The following KCNT1 variants were observed in gnomAD, a reference collection of about 807,000 sequenced individuals.
The protein encoded by KCNT1 is potassium sodium-activated channel subfamily T member 1.
In KCNT1, 78 loss-of-function variants were observed where a neutral mutation model predicts 147.8. The ratio of observed to expected loss-of-function variants is 0.53; its 90% confidence interval spans 0.44 to 0.64. The LOEUF (loss-of-function observed/expected upper bound fraction) is 0.64, where lower values mean the gene tolerates loss of function less well. KCNT1 is among the 30% of genes least tolerant of loss of function. The probability of loss-of-function intolerance (pLI) is 0.00; values close to 1 mark genes in which losing one functional copy is unlikely to be tolerated. For missense variants in KCNT1, 1,419 were observed against 1,750.3 expected (o/e 0.81, Z 3.38); for synonymous variants, 867 against 748.8 (o/e 1.16, Z -2.58).
Position 135,769,100 on chromosome 9 carries a change from T to C in KCNT1, c.1510+163T>C, listed in dbSNP as rs11103180. On this transcript the variant is annotated intron_variant, in intron 15 of 30. Coordinates refer to ENST00000371757, the MANE Select transcript of KCNT1 (RefSeq NM_020822.3). Reference sequence around the variant, plus strand: ...GGGTGACGGTGCGTCTGGGGCAGGATGCGTGTGCACACGTGGGTGTCGGTG... The same window carrying C: ...GGGTGACGGTGCGTCTGGGGCAGGACGCGTGTGCACACGTGGGTGTCGGTG... Among the ~76,000 whole-genome samples, 4,244 of 53,570 alleles carry C rather than the reference T, an allele frequency of 0.079. 241 individuals are homozygous for C. The highest frequency in any genetic ancestry group is 0.11 in the Middle Eastern group (7 of 66). 35.1% of individuals were successfully genotyped at this position (53,570 alleles called of 152,430 possible).
Position 135,784,010 on chromosome 9 carries a change from C to T in KCNT1, c.2842-14C>T, listed in dbSNP as rs1426800081. 1.0e-5 allele frequency: 16 copies of T among 1,605,126 alleles called. No homozygotes were observed. Among genetic ancestry groups the T allele is most frequent in the Non-Finnish European group, 1.1e-5 (13 of 1,178,790 alleles). On this transcript the variant is annotated splice_polypyrimidine_tract_variant and intron_variant, in intron 24 of 30. Coordinates refer to ENST00000371757, the MANE Select transcript of KCNT1 (RefSeq NM_020822.3). The stretch of plus-strand genomic sequence containing the variant: ...CTCGGCACCAGCCCATCTGAGGCCC[C>T]TCCTTTCCCACAGAGGGAGCGAGAG...
At chr9:135,779,641 ATGG>A (rs1833462802) in intron 24 of KCNT1, among the ~76,000 whole-genome samples, 171 bp downstream of exon 24, 1 of 152,210 alleles carries the variant, frequency 6.6e-6, no homozygotes, top group Non-Finnish European at 1.5e-5. Context: ...GGTGCTCTTG[ATGG>A]TGGAACCAGG....
intron 2 of KCNT1, among the ~76,000 whole-genome samples, chr9:135,743,467 G>A (rs974036417): frequency 3.9e-5 from 6 of 152,102 alleles, no homozygotes; most frequent in African/African-American, 1.4e-4. Context: ...GAGCATCCAG[G>A]GGCTGCCCGG....
At chr9:135,751,079 C>A in intron 4 of KCNT1, 38 bp downstream of exon 4, 1 of 1,572,984 alleles carries the variant, frequency 6.4e-7, no homozygotes, top group Non-Finnish European at 8.7e-7. Flanking sequence ...GGTCCCGGGT[C>A]CCAGGGCTGA....
At chr9:135,785,729 C>G (rs1315308662) in intron 28 of KCNT1, 7 of 464,874 alleles carry the variant, frequency 1.5e-5, no homozygotes, top group Non-Finnish European at 2.8e-5. Context: ...CCCACAGGCT[C>G]TGGCACCCCA....
intron 2 of KCNT1, among the ~76,000 whole-genome samples, chr9:135,732,040 A>AGAG (rs1836504744): frequency 7.4e-6 from 1 of 135,394 alleles, no homozygotes; most frequent in African/African-American, 2.7e-5. Flanking sequence ...AGAGAGAGAG[A>AGAG]GGGAGTCTCA....
intron 1 of KCNT1, among the ~76,000 whole-genome samples, chr9:135,707,671 C>G (rs982295795): frequency 5.3e-5 from 8 of 152,164 alleles, no homozygotes; most frequent in African/African-American, 1.9e-4. Flanking sequence ...AAGGGCTCGC[C>G]TGGCGTCTGG....
chr9:135,779,398 C>G lies in KCNT1; in HGVS notation c.2769C>G (p.His923Gln). ...PSLSITTELTHPSNMRFMQFR... is the reference protein window; with the variant it reads ...PSLSITTELTQPSNMRFMQFR... ...TCAGCATCACCACGGAGCTCACCCA[C>G]CCTTCCAACATGCGCTTCATGCAGT... is the stretch of plus-strand genomic sequence containing the variant. Residue 923 changes from histidine (H) to glutamine (Q), a missense_variant, in exon 24 of 31, where the codon CAC becomes CAG. His to Gln is a conservative substitution (Grantham distance 24). This residue lies in a region of KCNT1 where 247 missense variants were observed against 397.1 expected (regional missense o/e 0.62). Coordinates refer to ENST00000371757, the MANE Select transcript of KCNT1 (RefSeq NM_020822.3). The G allele has an allele frequency of 6.2e-7, 1 of 1,614,010 alleles. No homozygotes were observed. Among genetic ancestry groups the G allele is most frequent in the Non-Finnish European group, 8.5e-7 (1 of 1,179,992 alleles).
At chr9:135,740,208 G>A (rs1830504904) in intron 2 of KCNT1, among the ~76,000 whole-genome samples, 1 of 152,176 alleles carries the variant, frequency 6.6e-6, no homozygotes, top group East Asian at 1.9e-4. Context: ...GATACTGGGG[G>A]TCAGGACTTC....
At chr9:135,724,635 A>G (rs563383535) in intron 2 of KCNT1, among the ~76,000 whole-genome samples, 43 of 152,244 alleles carry the variant, frequency 2.8e-4, no homozygotes, top group Non-Finnish European at 5.4e-4. Context: ...TAAACAGTGA[A>G]TCATTTCCCA....
rs1457591989 is a variant in KCNT1 at position 135,772,697 on chromosome 9, C to T, written c.2009-18C>T. The T allele has an allele frequency of 1.5e-6, 2 of 1,365,938 alleles. No homozygotes were observed. The highest frequency in any genetic ancestry group is 3.0e-5 in the East Asian group (1 of 33,374). 84.6% of individuals were successfully genotyped at this position (1,365,938 alleles called of 1,614,324 possible). A position where few individuals can be genotyped will look rare whatever the true frequency, so the allele number is the denominator to read the frequency against. On this transcript the variant is annotated intron_variant, in intron 18 of 30. Transcript: ENST00000371757. ...GGGTGGGAGTCGGGCTGTGGCCAAG[C>T]ACAGGGCTCTCTTCCAGGGACAGTG...
At position 135,702,287 on chromosome 9, in the gene KCNT1, CG is replaced by C; in HGVS notation, c.35del (p.Gly12AlafsTer43). 2 of 1,609,280 alleles carry C rather than the reference CG, an allele frequency of 1.2e-6. No individual in the cohort carries two copies. Among genetic ancestry groups the C allele is most frequent in the South Asian group, 1.1e-5 (1 of 90,938 alleles). ...CCACTCCCTGACGGGGCGCGGACCCCGGGGGGCGTCTGCCGGGAGGCGCGCG... is the reference window on the plus strand; with the variant it reads ...CCACTCCCTGACGGGGCGCGGACCCCGGGGGCGTCTGCCGGGAGGCGCGCG... MPLPDGARTPGGVCREARGG... is the reference protein window; with the variant it reads MPLPDGARTXGGVCREARGG... On this transcript the variant is annotated frameshift_variant, in exon 1 of 31. Coordinates refer to ENST00000371757, the MANE Select transcript of KCNT1 (RefSeq NM_020822.3). LOFTEE classifies it high-confidence loss of function.
chr9:135,747,539 T>C (rs911127505), intron 2 of KCNT1, among the ~76,000 whole-genome samples: 3 of 152,030 alleles, frequency 2.0e-5, no homozygotes, highest in African/African-American at 7.2e-5. Flanking sequence ...GCATCCTGTC[T>C]GAGCGAAAGA....
intron 20 of KCNT1, among the ~76,000 whole-genome samples, chr9:135,776,281 G>A (rs909646230): frequency 5.3e-5 from 8 of 151,746 alleles, no homozygotes; most frequent in African/African-American, 9.7e-5. Flanking sequence ...TTTTTAAGAC[G>A]GGGTCCCACT....
intron 24 of KCNT1, among the ~76,000 whole-genome samples, chr9:135,781,329 C>T (rs551636797): frequency 6.6e-6 from 1 of 152,214 alleles, no homozygotes; most frequent in Non-Finnish European, 1.5e-5. Context: ...CAGGCATATA[C>T]AGAGACGTGG....
At position 135,765,087 on chromosome 9, in the gene KCNT1, C is replaced by T. The variant is rs1431329134; in HGVS notation, c.1092C>T (p.Ser364=). 1 of 1,613,412 alleles carries T rather than the reference C, an allele frequency of 6.2e-7. No homozygotes were observed. The highest frequency in any genetic ancestry group is 1.1e-5 in the South Asian group (1 of 91,086). ...GGCAGAAGTCAGGGGGCAACTACAG[C>T]CGCCACCGTGCGCAGACGGAGAAGC... ...MERQKSGGNY[S]RHRAQTEKHV... Residue 364 remains serine (S), a synonymous_variant, in exon 12 of 31, where the codon AGC becomes AGT. Coordinates refer to ENST00000371757, the MANE Select transcript of KCNT1 (RefSeq NM_020822.3).
Position 135,770,302 on chromosome 9 carries a change from G to T in KCNT1, c.1624G>T (p.Gly542Ter). 1 of 1,599,160 alleles carries T rather than the reference G, an allele frequency of 6.3e-7. No homozygotes were observed. The highest frequency in any genetic ancestry group is 8.5e-7 in the Non-Finnish European group (1 of 1,171,672). The change falls in exon 17 of 31, where the codon GGA (glycine) becomes TGA (stop). Residue 542 changes from glycine (G) to a stop codon, truncating the protein, a stop_gained. Coordinates refer to ENST00000371757, the MANE Select transcript of KCNT1 (RefSeq NM_020822.3). LOFTEE classifies it high-confidence loss of function. ...LLVHTSRGQEGQESPEQWQRM... is the reference protein window; with the variant it reads ...LLVHTSRGQE ...TGGCCCCGCCCTGGCCCACAGGGAGGGACAGGAGTCTCCGGAGCAGTGGCA... is the reference window on the plus strand; with the variant it reads ...TGGCCCCGCCCTGGCCCACAGGGAGTGACAGGAGTCTCCGGAGCAGTGGCA...
At chr9:135,757,256 T>C (rs1460127917) in intron 8 of KCNT1, 26 bp downstream of exon 8, 1 of 1,611,290 alleles carries the variant, frequency 6.2e-7, no homozygotes, top group Non-Finnish European at 8.5e-7. Context: ...CTGCCAGGAG[T>C]GCGGGCCCTG....
chr9:135,740,001 C>A (rs896789208), intron 2 of KCNT1, among the ~76,000 whole-genome samples: 1 of 152,084 alleles, frequency 6.6e-6, no homozygotes, highest in African/African-American at 2.4e-5. Flanking sequence ...GCTGGTTCCT[C>A]CTGAGGCCCC....
Sources: allele counts gnomAD v4.1 joint callset (sites outside exome capture counted in the v4.1 genomes callset), GRCh38; gene constraint gnomAD v4.1.1; regional missense constraint gnomAD v4.1.1; transcripts MANE v1.5; gene names NCBI Gene and HGNC (gene_info 2026-07-23, HGNC 2026-07-21).